The following ZNF385D variants were observed in gnomAD, a reference collection of about 807,000 sequenced individuals.
ZNF385D encodes zinc finger protein 385D.
ZNF385D carries 15 observed loss-of-function variants against 35.8 expected under a neutral mutation model. That is an observed-to-expected ratio of 0.42 (90% CI 0.28 to 0.64). The LOEUF (loss-of-function observed/expected upper bound fraction) is 0.64, where lower values mean the gene tolerates loss of function less well. ZNF385D is among the 30% of genes least tolerant of loss of function. ZNF385D has a pLI of 0.23. For synonymous variants in ZNF385D, 212 were observed against 186.8 expected, an observed-to-expected ratio of 1.13 and a Z score of -1.10; for missense variants, 474 against 494.6, an observed-to-expected ratio of 0.96 and a Z score of 0.39.
Position 22,045,917 on chromosome 3 carries a change from C to G in ZNF385D, c.325+122900G>C, listed in dbSNP as rs148515572. ...ATAATGGAGATCTAAACAAATTTCT[C>G]TATCTCCAAGCCCCAGGTGTAGAGC... On this transcript the variant is annotated intron_variant, in intron 3 of 5. Coordinates refer to the ZNF385D transcript ENST00000494108. Among the ~76,000 whole-genome samples the G allele has an allele frequency of 3.0e-3, 464 of 152,234 alleles. 4 individuals are homozygous for G. The highest frequency in any genetic ancestry group is 0.011 in the African/African-American group (452 of 41,538).
intron 2 of ZNF385D, among the ~76,000 whole-genome samples, chr3:22,223,312 A>ATT (rs1261532695): frequency 3.3e-5 from 5 of 152,076 alleles, no homozygotes; most frequent in Non-Finnish European, 7.4e-5. Flanking sequence ...TTGTTGTATA[A>ATT]GTTGTTGGCA....
At chr3:21,602,512 A>ATTTTTT (rs199882061) in intron 2 of ZNF385D, among the ~76,000 whole-genome samples, 8 of 90,204 alleles carry the variant, frequency 8.9e-5, no homozygotes, top group Non-Finnish European at 1.2e-4. Flanking sequence ...GTTTCCCTGC[A>ATTTTTT]TTTTCTTTTT....
chr3:21,951,238 G>A (rs1702050917), intron 3 of ZNF385D, among the ~76,000 whole-genome samples: 2 of 151,726 alleles, frequency 1.3e-5, no homozygotes, highest in South Asian at 2.1e-4. Context: ...GTGGTTTGTA[G>A]TTCTCCTTGA....
chr3:22,291,956 CAT>C (rs1702322616), intron 2 of ZNF385D, among the ~76,000 whole-genome samples: 1 of 151,848 alleles, frequency 6.6e-6, no homozygotes, highest in Admixed American at 6.6e-5. Context: ...ATGTTTTATT[CAT>C]ATAATCTAGA....
intron 3 of ZNF385D, among the ~76,000 whole-genome samples, chr3:21,891,037 T>G (rs1698832032): frequency 6.6e-6 from 1 of 152,210 alleles, no homozygotes; most frequent in Admixed American, 6.5e-5. Flanking sequence ...ATTTTACCTT[T>G]GACAATAGTT....
At chr3:21,722,544 C>T (rs913498044) in intron 1 of ZNF385D, among the ~76,000 whole-genome samples, 2 of 152,188 alleles carry the variant, frequency 1.3e-5, no homozygotes, top group South Asian at 4.1e-4. Context: ...GTTGTGCTCC[C>T]AGATGGGCTA....
intron 3 of ZNF385D, among the ~76,000 whole-genome samples, chr3:22,036,187 AG>A (rs1352895020): frequency 6.6e-6 from 1 of 152,172 alleles, no homozygotes; most frequent in Non-Finnish European, 1.5e-5. Flanking sequence ...CTCAGGTGAA[AG>A]GGAAAGGATT....
intron 3 of ZNF385D, among the ~76,000 whole-genome samples, chr3:21,962,801 C>T (rs1326303536): frequency 6.6e-6 from 1 of 152,038 alleles, no homozygotes; most frequent in East Asian, 1.9e-4. Context: ...AAGTTGTTTC[C>T]TGATGAGGGA....
At chr3:21,938,534 G>T (rs1701369112) in intron 3 of ZNF385D, among the ~76,000 whole-genome samples, 1 of 152,156 alleles carries the variant, frequency 6.6e-6, no homozygotes, top group Non-Finnish European at 1.5e-5. Context: ...ATAAGCATGG[G>T]ATTTTTCTCC....
chr3:22,318,752 G>C (rs924217913), intron 2 of ZNF385D, among the ~76,000 whole-genome samples: 1 of 152,084 alleles, frequency 6.6e-6, no homozygotes, highest in African/African-American at 2.4e-5. Context: ...GAGTATACTG[G>C]AATGAACAAT....
At chr3:21,958,979 CAAT>C (rs1702436367) in intron 3 of ZNF385D, 1 of 152,216 alleles carries the variant, frequency 6.6e-6, no homozygotes, top group South Asian at 2.1e-4. Context: ...TTTCATAATG[CAAT>C]ATTACAAGAT....
At chr3:21,544,340 C>G (rs1278986563) in intron 3 of ZNF385D, among the ~76,000 whole-genome samples, 1 of 152,186 alleles carries the variant, frequency 6.6e-6, no homozygotes, top group African/African-American at 2.4e-5. Context: ...GGCAACTTAT[C>G]AAGTTTTCCC....
At chr3:22,289,884 T>C (rs1207551454) in intron 2 of ZNF385D, among the ~76,000 whole-genome samples, 2 of 152,118 alleles carry the variant, frequency 1.3e-5, no homozygotes, top group Non-Finnish European at 2.9e-5. Context: ...GTCTATAGTA[T>C]GTCAGCTCAG....
intron 2 of ZNF385D, among the ~76,000 whole-genome samples, chr3:22,329,402 T>A (rs992243657): frequency 2.0e-5 from 3 of 152,214 alleles, no homozygotes; most frequent in Non-Finnish European, 4.4e-5. Flanking sequence ...TGATATTTCA[T>A]AGGTCACCTA....
At chr3:21,929,944 G>T (rs1245862434) in intron 3 of ZNF385D, among the ~76,000 whole-genome samples, 2 of 151,972 alleles carry the variant, frequency 1.3e-5, no homozygotes, top group African/African-American at 2.4e-5. Flanking sequence ...AAATTGCCAA[G>T]CTTATCCTAA....
intron 3 of ZNF385D, among the ~76,000 whole-genome samples, chr3:22,147,453 A>G (rs746802069): frequency 5.9e-5 from 9 of 152,052 alleles, no homozygotes; most frequent in Non-Finnish European, 8.8e-5. Flanking sequence ...TGGGAAAGAG[A>G]TATTCTCTTT....
At chr3:21,529,508 T>A (rs1158848661) in intron 3 of ZNF385D, among the ~76,000 whole-genome samples, 4 of 152,176 alleles carry the variant, frequency 2.6e-5, no homozygotes, top group Admixed American at 2.6e-4. Context: ...AAAATTCACT[T>A]CTGCCTTTAC....
At chr3:22,003,236 A>G (rs1695963154) in intron 3 of ZNF385D, among the ~76,000 whole-genome samples, 1 of 152,238 alleles carries the variant, frequency 6.6e-6, no homozygotes, top group South Asian at 2.1e-4. Context: ...CTTGCAGGAT[A>G]CAAAAATCAA....
intron 2 of ZNF385D, among the ~76,000 whole-genome samples, chr3:21,634,491 A>G (rs2065373007): frequency 6.6e-6 from 1 of 152,112 alleles, no homozygotes; most frequent in African/African-American, 2.4e-5. Context: ...CAAACTCTAA[A>G]TAGCATTGTA....
Sources: allele counts gnomAD v4.1 joint callset (sites outside exome capture counted in the v4.1 genomes callset), GRCh38; gene constraint gnomAD v4.1.1; transcripts MANE v1.5; gene names NCBI Gene and HGNC (gene_info 2026-07-23, HGNC 2026-07-21).